The following KCTD7 variants were observed in gnomAD, a reference collection of about 807,000 sequenced individuals.
KCTD7 encodes BTB/POZ domain-containing protein KCTD7.
Under a neutral mutation model 27.0 loss-of-function variants are expected in KCTD7, and 15 were observed. The observed-to-expected ratio is 0.56, with a 90% CI of 0.37 to 0.86. KCTD7 has a LOEUF of 0.86. KCTD7 is among the 40% of genes least tolerant of loss of function. KCTD7 has a pLI of 0.00. For synonymous variants in KCTD7, 159 were observed against 162.7 expected (o/e 0.98, Z 0.17); for missense variants, 299 against 398.9 (o/e 0.75, Z 2.13).
chr7:66,629,125 T>A lies in KCTD7; in HGVS notation c.61T>A (p.Ser21Thr). 1 of 1,537,972 alleles carries A rather than the reference T, an allele frequency of 6.5e-7. No homozygotes were observed. Among genetic ancestry groups the A allele is most frequent in the Non-Finnish European group, 8.7e-7 (1 of 1,144,516 alleles). Residue 21 changes from serine to threonine, a missense_variant, in exon 1 of 4, where the codon TCT (serine) becomes ACT (threonine). Physicochemically the swap from Ser to Thr is moderately conservative, Grantham distance 58 (BLOSUM62 1). Coordinates refer to ENST00000639828, the MANE Select transcript of KCTD7 (RefSeq NM_153033.5). The part of the protein sequence containing the change: ...SRRQDGAMSS[S>T]DAEDDFLEPA... ...TCGTCAGGACGGTGCCATGTCCAGCTCTGACGCCGAAGACGACTTTCTGGA... is the reference window on the plus strand; with the variant it reads ...TCGTCAGGACGGTGCCATGTCCAGCACTGACGCCGAAGACGACTTTCTGGA...
intron 1 of KCTD7, among the ~76,000 whole-genome samples, chr7:66,629,428 C>T (rs1786395996): frequency 1.3e-5 from 2 of 151,808 alleles, no homozygotes; most frequent in South Asian, 2.1e-4. Context: ...TGTGCTTCCC[C>T]ACCCCCTACA....
intron 1 of KCTD7, among the ~76,000 whole-genome samples, chr7:66,629,471 T>A (rs1022873245): frequency 1.4e-5 from 2 of 145,456 alleles, no homozygotes; most frequent in African/African-American, 5.0e-5. Context: ...GGTGATTTAC[T>A]CCCATCGCCA....
Position 66,642,025 on chromosome 7 carries a change from C to G in KCTD7, c.*2793C>G. On this transcript the variant is annotated 3_prime_UTR_variant, in exon 4 of 4. Transcript: ENST00000639828. ...TCACTTGACAAGGGACTGGATTCAT[C>G]TTGCCTTGAGACGGGCCAGTAGTTA... The G allele has an allele frequency of 1.0e-6, 1 of 985,384 alleles. No homozygotes were observed. Among genetic ancestry groups the G allele is most frequent in the Non-Finnish European group, 1.2e-6 (1 of 829,904 alleles). The allele number at this position is 985,384 out of a possible 1,614,324, so 61.0% of individuals were successfully genotyped here.
At chr7:66,637,337 C>T (rs1367075037) in intron 2 of KCTD7, among the ~76,000 whole-genome samples, 2 of 152,128 alleles carry the variant, frequency 1.3e-5, no homozygotes, top group East Asian at 3.8e-4. Context: ...CCACCCACCT[C>T]GGCCTCCCAA....
chr7:66,636,792 AT>A (rs1034140315), intron 2 of KCTD7, among the ~76,000 whole-genome samples: 12 of 152,158 alleles, frequency 7.9e-5, no homozygotes, highest in African/African-American at 2.9e-4. Context: ...AAGAAAAAAA[AT>A]CTGAAAAGTG....
rs1028069356 is a variant in KCTD7 at position 66,640,415 on chromosome 7, G to A, written c.*1183G>A. 3.3e-6 allele frequency: 5 copies of A among 1,537,236 alleles called. No homozygotes were observed. Among genetic ancestry groups the A allele is most frequent in the Non-Finnish European group, 4.4e-6 (5 of 1,146,904 alleles). The stretch of plus-strand genomic sequence containing the variant: ...TCAGAAATTGAAAAAGATCCCCAAG[G>A]ATCTGTTACTACTGCATTTCCTTCT... On this transcript the variant is annotated 3_prime_UTR_variant, in exon 4 of 4. Transcript: ENST00000639828.
At position 66,641,737 on chromosome 7, in the gene KCTD7, C is replaced by T. The variant is rs956087608; in HGVS notation, c.*2505C>T. 9 of 985,262 alleles carry T rather than the reference C, an allele frequency of 9.1e-6. No homozygotes were observed. The South Asian group carries it at 1.4e-4, about 15-fold the overall frequency. The allele number at this position is 985,262 out of a possible 1,614,324, so 61.0% of individuals were successfully genotyped here. On this transcript the variant is annotated 3_prime_UTR_variant, in exon 4 of 4. Transcript: ENST00000639828. ...GTGAAGGAATTCAGTGGCCTAGTTTCGCCATTCTCTAATGAGAAACCAAGG... is the reference window on the plus strand; with the variant it reads ...GTGAAGGAATTCAGTGGCCTAGTTTTGCCATTCTCTAATGAGAAACCAAGG...
chr7:66,639,303 C>T lies in KCTD7; in HGVS notation c.*71C>T. On this transcript the variant is annotated 3_prime_UTR_variant, in exon 4 of 4. Transcript: ENST00000639828. ...GCTTGGTGGCTCTGGGAGTAAGATC[C>T]CTGAAGGGGCTGCTGACTGCCCCAG... is the stretch of plus-strand genomic sequence containing the variant. 6.3e-7 allele frequency: 1 copy of T among 1,598,368 alleles called. No homozygotes were observed. Among genetic ancestry groups the T allele is most frequent in the Non-Finnish European group, 8.5e-7 (1 of 1,179,538 alleles).
chr7:66,638,201 C>A, intron 2 of KCTD7, 52 bp from the exon 3 acceptor site: 1 of 1,598,548 alleles, frequency 6.3e-7, no homozygotes, highest in Non-Finnish European at 8.6e-7. Flanking sequence ...CTGTGTGGCA[C>A]TGCCCAGGAG....
chr7:66,639,718 CT>C lies in KCTD7; in HGVS notation c.*487del. ...TGACCAGCCACCCCATAGCCCCTGG[CT>C]GAAGAAGAAAGAGCATCTTCTCTCC... On this transcript the variant is annotated 3_prime_UTR_variant, in exon 4 of 4. Transcript: ENST00000639828. 8.0e-7 allele frequency: 1 copy of C among 1,247,500 alleles called. No homozygotes were observed. Among genetic ancestry groups the C allele is most frequent in the South Asian group, 3.7e-5 (1 of 27,144 alleles). The allele number at this position is 1,247,500 out of a possible 1,614,324, so 77.3% of individuals were successfully genotyped here.
intron 2 of KCTD7, among the ~76,000 whole-genome samples, chr7:66,636,076 T>C (rs1786577985): frequency 1.3e-5 from 2 of 152,392 alleles, no homozygotes; most frequent in Admixed American, 6.5e-5. Context: ...GATGAGCTCC[T>C]GTGACCTATG....
intron 1 of KCTD7, 77 bp downstream of exon 1, chr7:66,629,285 C>T (rs1584392989): frequency 5.6e-5 from 10 of 179,180 alleles, no homozygotes; most frequent in East Asian, 2.2e-4. Flanking sequence ...TAGCGGTCCT[C>T]GGCGGGTGGG....
At position 66,636,414 on chromosome 7, in the gene KCTD7, A is replaced by C. The variant is rs546576853; in HGVS notation, c.315-1839A>C. On this transcript the variant is annotated intron_variant, in intron 2 of 3. Coordinates refer to ENST00000639828, the MANE Select transcript of KCTD7 (RefSeq NM_153033.5). ...TGAGCCTCATTTATGACATAGAGAT[A>C]AGATAGCACACACCCCCAATGTCAT... is the stretch of plus-strand genomic sequence containing the variant. 2.7e-3 allele frequency among the ~76,000 whole-genome samples: 410 copies of C among 151,958 alleles called. 6 individuals carry two copies. The highest frequency in any genetic ancestry group is 8.5e-3 in the African/African-American group (352 of 41,432).
chr7:66,641,141 C>G lies in KCTD7; in HGVS notation c.*1909C>G. 1.0e-6 allele frequency: 1 copy of G among 985,398 alleles called. No homozygotes were observed. Among genetic ancestry groups the G allele is most frequent in the Non-Finnish European group, 1.2e-6 (1 of 829,928 alleles). 61.0% of individuals were successfully genotyped at this position (985,398 alleles called of 1,614,324 possible). A position where few individuals can be genotyped will look rare whatever the true frequency, so the allele number is the denominator to read the frequency against. On this transcript the variant is annotated 3_prime_UTR_variant, in exon 4 of 4. Coordinates refer to ENST00000639828, the MANE Select transcript of KCTD7 (RefSeq NM_153033.5). ...AGTCATTCACGTTCTGAGATATGCG[C>G]TCTCTCTATTGTTCTCGTACACAAA... is the stretch of plus-strand genomic sequence containing the variant.
Position 66,641,302 on chromosome 7 carries a change from A to C in KCTD7, c.*2070A>C. The C allele has an allele frequency of 1.0e-6, 1 of 985,298 alleles. No individual in the cohort carries two copies. The highest frequency in any genetic ancestry group is 1.2e-6 in the Non-Finnish European group (1 of 829,914). 61.0% of individuals were successfully genotyped at this position (985,298 alleles called of 1,614,324 possible). ...GTTACCTACTGCCTAATATGTGTTC[A>C]TTTTTTGACAGAGAGGCAGACTATT... On this transcript the variant is annotated 3_prime_UTR_variant, in exon 4 of 4. Transcript: ENST00000639828.
chr7:66,639,207 A>G lies in KCTD7; in HGVS notation c.845A>G (p.Tyr282Cys), dbSNP rs1264632322. The G allele has an allele frequency of 3.7e-6, 6 of 1,613,244 alleles. No homozygotes were observed. The highest frequency in any genetic ancestry group is 2.2e-5 in the East Asian group (1 of 44,884). Residue 282 changes from tyrosine to cysteine, a missense_variant, in exon 4 of 4, where the codon TAT becomes TGT. By Grantham distance (194) the Tyr-to-Cys change is radical. Coordinates refer to ENST00000639828, the MANE Select transcript of KCTD7 (RefSeq NM_153033.5). ...CACTACTACTGCAAGCGCCCCATCT[A>G]TGAGTTCAAGATCACATGGTGGTGA... ...VNHYYCKRPI[Y>C]EFKITWW
chr7:66,641,295 T>G lies in KCTD7; in HGVS notation c.*2063T>G, dbSNP rs541406239. ...GATTGGTGTTACCTACTGCCTAATATGTGTTCATTTTTTGACAGAGAGGCA... is the reference window on the plus strand; with the variant it reads ...GATTGGTGTTACCTACTGCCTAATAGGTGTTCATTTTTTGACAGAGAGGCA... On this transcript the variant is annotated 3_prime_UTR_variant, in exon 4 of 4. Transcript: ENST00000639828. 40 of 985,328 alleles carry G rather than the reference T, an allele frequency of 4.1e-5. No individual in the cohort carries two copies. Among genetic ancestry groups the G allele is most frequent in the Non-Finnish European group, 4.3e-5 (36 of 829,898 alleles). The allele number at this position is 985,328 out of a possible 1,614,324, so 61.0% of individuals were successfully genotyped here. A position where few individuals can be genotyped will look rare whatever the true frequency, so the allele number is the denominator to read the frequency against.
intron 1 of KCTD7, among the ~76,000 whole-genome samples, chr7:66,630,053 C>T (rs780533210): frequency 3.9e-5 from 6 of 152,170 alleles, no homozygotes; most frequent in Non-Finnish European, 8.8e-5. Context: ...GGGAGGATTG[C>T]TTGATCCCAG....
intron 2 of KCTD7, among the ~76,000 whole-genome samples, chr7:66,635,451 C>G (rs1786564638): frequency 1.3e-5 from 2 of 152,050 alleles, no homozygotes. Context: ...ATAATTATAG[C>G]TGCTGCACAG....
Sources: allele counts gnomAD v4.1 joint callset (sites outside exome capture counted in the v4.1 genomes callset), GRCh38; gene constraint gnomAD v4.1.1; transcripts MANE v1.5; gene names NCBI Gene and HGNC (gene_info 2026-07-23, HGNC 2026-07-21).